SLC30A8: variants seen among roughly 807,000 people sequenced by gnomAD.
SLC30A8 encodes the protein proton-coupled zinc antiporter SLC30A8.
SLC30A8 carries 27 observed loss-of-function variants against 36.9 expected under a neutral mutation model. The ratio of observed to expected loss-of-function variants is 0.73; its 90% CI spans 0.54 to 1.01. The LOEUF is 1.01. Ranked by LOEUF, SLC30A8 falls within the 50% of genes least tolerant of loss-of-function variation. SLC30A8 has a pLI of 0.00. For missense variants in SLC30A8, 439 were observed against 452.0 expected (o/e 0.97, Z 0.26); for synonymous variants, 164 against 172.4 (o/e 0.95, Z 0.38).
chr8:116,971,489 A>G (rs908818853), intron 1 of SLC30A8, among the ~76,000 whole-genome samples: 1 of 152,222 alleles, frequency 6.6e-6, no homozygotes, highest in Non-Finnish European at 1.5e-5. Context: ...TGTAAGCAGT[A>G]AGAATTCATG....
chr8:117,168,281 G>A (rs1823167077), intron 6 of SLC30A8, among the ~76,000 whole-genome samples: 1 of 152,058 alleles, frequency 6.6e-6, no homozygotes, highest in Non-Finnish European at 1.5e-5. Flanking sequence ...ATATGAAAGT[G>A]CCCCTTTCCT....
intron 1 of SLC30A8, among the ~76,000 whole-genome samples, chr8:116,955,590 C>T (rs912826578): frequency 7.2e-5 from 11 of 151,832 alleles, no homozygotes; most frequent in African/African-American, 1.5e-4. Flanking sequence ...ATTAGCCAGA[C>T]GTGATGGTGC....
chr8:117,107,225 C>T (rs1820033388), intron 2 of SLC30A8, among the ~76,000 whole-genome samples: 1 of 152,052 alleles, frequency 6.6e-6, no homozygotes, highest in South Asian at 2.1e-4. Flanking sequence ...TTGCACTATA[C>T]CAATAACAGG....
chr8:117,066,571 C>G (rs1818178212), intron 2 of SLC30A8, among the ~76,000 whole-genome samples: 2 of 152,084 alleles, frequency 1.3e-5, no homozygotes, highest in Non-Finnish European at 2.9e-5. Context: ...CTCCTACTGG[C>G]TTTGGTGAGA....
Position 117,038,702 on chromosome 8 carries a change from T to C in SLC30A8, c.-265-517T>C, listed in dbSNP as rs192271297. The stretch of plus-strand genomic sequence containing the variant: ...TGCAATGGGTAGAGTAAAATCGTAC[T>C]CTAGAAATGTGAAGACATTCTATCA... On this transcript the variant is annotated intron_variant, in intron 1 of 10. Coordinates refer to the SLC30A8 transcript ENST00000427715. Among the ~76,000 whole-genome samples the C allele has an allele frequency of 3.3e-5, 5 of 152,348 alleles. No individual in the cohort carries two copies. In the East Asian group the frequency reaches 9.6e-4, roughly 29 times the overall value.
chr8:116,981,131 A>G (rs746053180), intron 1 of SLC30A8, among the ~76,000 whole-genome samples: 70 of 152,194 alleles, frequency 4.6e-4, no homozygotes, highest in East Asian at 1.9e-4. Flanking sequence ...ATGTACTGCC[A>G]CAATAATTTC....
At chr8:116,957,443 G>A (rs111797880) in intron 1 of SLC30A8, among the ~76,000 whole-genome samples, 3,170 of 152,018 alleles carry the variant, frequency 0.021, 114 homozygotes, top group African/African-American at 0.072. Context: ...GCTAATTTTT[G>A]TACTTTTAGT....
intron 1 of SLC30A8, among the ~76,000 whole-genome samples, chr8:117,014,751 A>T (rs1315334447): frequency 6.6e-6 from 1 of 152,072 alleles, no homozygotes; most frequent in Non-Finnish European, 1.5e-5. Flanking sequence ...GGGAAATGAG[A>T]TGCACCTACT....
At chr8:117,101,282 T>C (rs1819707288) in intron 2 of SLC30A8, among the ~76,000 whole-genome samples, 1 of 152,134 alleles carries the variant, frequency 6.6e-6, no homozygotes, top group African/African-American at 2.4e-5. Context: ...ACCAAAAATA[T>C]GCTCAATTAA....
chr8:117,154,082 AAATTTT>A (rs919193937), intron 3 of SLC30A8, among the ~76,000 whole-genome samples: 29 of 152,110 alleles, frequency 1.9e-4, no homozygotes, highest in African/African-American at 5.6e-4. Context: ...ATGCTTTTTT[AAATTTT>A]AATTTTAATT....
At chr8:117,013,482 C>A (rs1816410986) in intron 1 of SLC30A8, among the ~76,000 whole-genome samples, 1 of 151,902 alleles carries the variant, frequency 6.6e-6, no homozygotes, top group African/African-American at 2.4e-5. Flanking sequence ...TAGCATTGCT[C>A]TAGGGTAGAT....
At chr8:117,159,340 C>G (rs114610192) in intron 4 of SLC30A8, among the ~76,000 whole-genome samples, 7 of 152,104 alleles carry the variant, frequency 4.6e-5, no homozygotes, top group African/African-American at 7.2e-5. Context: ...AGACAGTGAT[C>G]GAAAAATGAA....
chr8:117,134,406 A>C (rs1166366034), upstream of SLC30A8, among the ~76,000 whole-genome samples: 1 of 152,008 alleles, frequency 6.6e-6, no homozygotes, highest in African/African-American at 2.4e-5. Context: ...GGCTCTTGCC[A>C]TAAGGCTATA....
At chr8:116,964,049 G>A (rs1320130599) in intron 1 of SLC30A8, among the ~76,000 whole-genome samples, 7 of 152,172 alleles carry the variant, frequency 4.6e-5, no homozygotes, top group Admixed American at 3.3e-4. Context: ...TCATTCCAGT[G>A]TAGTTCACAA....
At position 117,100,150 on chromosome 8, in the gene SLC30A8, A is replaced by G. The variant is rs1819644594; in HGVS notation, c.-225-35130A>G. ...ATCTACTATTTGCCTATTCTATCTC[A>G]GGTGCCATACAGATTTTTATATATT... On this transcript the variant is annotated intron_variant, in intron 2 of 10. Coordinates refer to the SLC30A8 transcript ENST00000427715. 3.3e-5 allele frequency among the ~76,000 whole-genome samples: 5 copies of G among 152,286 alleles called. No individual in the cohort carries two copies. In the South Asian group the frequency reaches 1.0e-3, roughly 32 times the overall value.
At chr8:117,122,943 C>T (rs961863433) in intron 2 of SLC30A8, among the ~76,000 whole-genome samples, 25 of 151,900 alleles carry the variant, frequency 1.6e-4, no homozygotes, top group Admixed American at 1.6e-3. Context: ...ATGTACTGGG[C>T]GTTCCTTTAT....
intron 1 of SLC30A8, among the ~76,000 whole-genome samples, chr8:117,012,712 T>G (rs1379679894): frequency 9.0e-6 from 1 of 110,622 alleles, no homozygotes; most frequent in Non-Finnish European, 1.9e-5. Context: ...TGCATGTACA[T>G]AGACATATGT....
chr8:117,138,889 G>A (rs573371438), intron 1 of SLC30A8, among the ~76,000 whole-genome samples: 61 of 152,012 alleles, frequency 4.0e-4, no homozygotes, highest in Admixed American at 1.5e-3. Flanking sequence ...CATAAGAATA[G>A]AGGGCTATGT....
chr8:117,140,809 A>T (rs1159382933), intron 1 of SLC30A8, among the ~76,000 whole-genome samples: 7 of 152,098 alleles, frequency 4.6e-5, no homozygotes, highest in Admixed American at 2.0e-4. Context: ...AATCATTCCT[A>T]AAAAATAATA....
Sources: allele counts gnomAD v4.1 joint callset (sites outside exome capture counted in the v4.1 genomes callset), GRCh38; gene constraint gnomAD v4.1.1; transcripts MANE v1.5; gene names NCBI Gene and HGNC (gene_info 2026-07-23, HGNC 2026-07-21).